Variants in AXIN1 observed in about 807,000 individuals in gnomAD.
The protein encoded by AXIN1 is axin 1, also known as axin-1.
Under a neutral mutation model 76.4 loss-of-function variants are expected in AXIN1, and 30 were observed. That is an observed-to-expected ratio of 0.39 (90% CI 0.29 to 0.53). The LOEUF is 0.53. Among genes scored for constraint, AXIN1 ranks in the 20% least tolerant of loss-of-function variants. AXIN1 has a pLI of 0.66. For missense variants in AXIN1, 1,140 were observed against 1,198.8 expected (o/e 0.95, Z 0.72); for synonymous variants, 545 against 501.4 (o/e 1.09, Z -1.16).
At position 339,251 on chromosome 16, in the gene AXIN1, C is replaced by T. The variant is rs562285051; in HGVS notation, c.878+6897G>A. On this transcript the variant is annotated intron_variant, in intron 2 of 10. Coordinates refer to ENST00000262320, the MANE Select transcript of AXIN1 (RefSeq NM_003502.4). ...GGGCGTGGTGGCTCACACCTGTAAT[C>T]CCAGCACTTTGGGAGGCTGAGGTAG... Among the ~76,000 whole-genome samples, 17 of 148,820 alleles carry T rather than the reference C, an allele frequency of 1.1e-4. No homozygotes were observed. The South Asian group carries it at 3.7e-3, about 32-fold the overall frequency.
chr16:348,215 C>T (rs966411397), intron 1 of AXIN1, among the ~76,000 whole-genome samples: 6 of 152,198 alleles, frequency 3.9e-5, no homozygotes, highest in Non-Finnish European at 7.3e-5. Flanking sequence ...CCTGTCAACC[C>T]GGCCATGCAG....
chr16:332,106 G>A (rs1159512226), intron 2 of AXIN1, among the ~76,000 whole-genome samples: 1 of 152,154 alleles, frequency 6.6e-6, no homozygotes, highest in African/African-American at 2.4e-5. Context: ...GAGTCCACAG[G>A]TCGGCAGCCT....
Position 291,292 on chromosome 16 carries a change from A to C in AXIN1, c.2192T>G (p.Val731Gly), listed in dbSNP as rs747767394. ...ASRAPSKQRY[V>G]QEVMRRGRAC... ...GCGTCCCCGCCGCATAACCTCCTGC[A>C]CATACCTAGGGAACAACCCGCGTCA... The change falls in exon 9 of 11, where the codon GTG becomes GGG. Residue 731 changes from valine to glycine, a missense_variant. By Grantham distance (109) the Val-to-Gly change is moderately radical (BLOSUM62 -3). Transcript: ENST00000262320. 1.9e-6 allele frequency: 3 copies of C among 1,577,140 alleles called. No homozygotes were observed. Among genetic ancestry groups the C allele is most frequent in the Non-Finnish European group, 2.6e-6 (3 of 1,162,230 alleles).
intron 5 of AXIN1, among the ~76,000 whole-genome samples, chr16:302,382 G>C (rs901506252): frequency 3.9e-5 from 6 of 152,250 alleles, no homozygotes; most frequent in African/African-American, 1.4e-4. Context: ...AGAGGATGCA[G>C]CTCCACATGG....
At chr16:289,344 C>T (rs969321609) in intron 10 of AXIN1, 96 bp downstream of exon 10, 47 of 1,509,182 alleles carry the variant, frequency 3.1e-5, no homozygotes, top group Admixed American at 1.0e-4. Context: ...AGGATTAGGA[C>T]GTGAGCCACT....
intron 2 of AXIN1, among the ~76,000 whole-genome samples, chr16:333,530 A>C (rs1320440313): frequency 6.6e-6 from 1 of 152,118 alleles, no homozygotes; most frequent in Non-Finnish European, 1.5e-5. Context: ...GCCCCCAGCA[A>C]AACACAGTAT....
intron 2 of AXIN1, among the ~76,000 whole-genome samples, chr16:319,471 C>T (rs2053389098): frequency 6.6e-6 from 1 of 152,212 alleles, no homozygotes; most frequent in Non-Finnish European, 1.5e-5. Context: ...CATAAACAAA[C>T]ACCTGTGGGG....
In AXIN1 at chr16:293,707, G is replaced by A. The variant is rs758124815; in HGVS notation, c.1967C>T (p.Thr656Met). The A allele has an allele frequency of 1.1e-5, 17 of 1,613,352 alleles. No homozygotes were observed. The highest frequency in any genetic ancestry group is 1.6e-4 in the Middle Eastern group (1 of 6,070). ...HRRTGHGSSG[T>M]RKPQPHENSR... ...GTTCTCATGGGGCTGTGGCTTCCTCGTCCCCGAAGACCTTGGGGAACAAGA... is the reference window on the plus strand; with the variant it reads ...GTTCTCATGGGGCTGTGGCTTCCTCATCCCCGAAGACCTTGGGGAACAAGA... Residue 656 changes from threonine to methionine, a missense_variant, in exon 8 of 11, where the codon ACG (threonine) becomes ATG (methionine). Transcript: ENST00000262320. This position sits in a 1 kb window ranked among gnomAD's most constrained non-coding sequence, Gnocchi z 4.6.
intron 2 of AXIN1, among the ~76,000 whole-genome samples, chr16:337,129 G>A (rs1597103650): frequency 9.4e-6 from 1 of 106,568 alleles, no homozygotes; most frequent in African/African-American, 3.7e-5. Flanking sequence ...CAGCCTGGGT[G>A]ACAGAGCAAG....
rs2053267237 is a variant in AXIN1, at chr16:314,958, T to A, written c.879-275A>T. Among the ~76,000 whole-genome samples, 5 of 152,180 alleles carry A rather than the reference T, an allele frequency of 3.3e-5. No homozygotes were observed. The South Asian group carries it at 1.0e-3, about 31-fold the overall frequency. On this transcript the variant is annotated intron_variant, in intron 2 of 10. Transcript: ENST00000262320. ...GGTGCACACACAGAGCATCCACACGTGATCATTTGGGTTTGTTTTCCGTGC... is the reference window on the plus strand; with the variant it reads ...GGTGCACACACAGAGCATCCACACGAGATCATTTGGGTTTGTTTTCCGTGC...
intron 2 of AXIN1, among the ~76,000 whole-genome samples, chr16:338,206 C>G (rs911024248): frequency 2.0e-5 from 3 of 152,176 alleles, no homozygotes; most frequent in Admixed American, 6.5e-5. Context: ...GGAGCGTGTG[C>G]GTCAATTCAA....
chr16:296,130 C>A (rs905472345), intron 7 of AXIN1, among the ~76,000 whole-genome samples: 1 of 152,210 alleles, frequency 6.6e-6, no homozygotes, highest in African/African-American at 2.4e-5. Context: ...GTGCTGTGCA[C>A]CCCTGTTCCC....
At position 309,964 on chromosome 16, in the gene AXIN1, G is replaced by C. The variant is rs779000870; in HGVS notation, c.1116+9C>G. The C allele has an allele frequency of 1.9e-6, 3 of 1,612,822 alleles. No individual in the cohort carries two copies. Among genetic ancestry groups the C allele is most frequent in the Non-Finnish European group, 2.5e-6 (3 of 1,179,594 alleles). On this transcript the variant is annotated intron_variant, in intron 4 of 10. Transcript: ENST00000262320. ...ACGATGGGCTGAGGACCGCAAAGCC[G>C]GTACTTACGGGAATGTGAGGTAGGG... is the stretch of plus-strand genomic sequence containing the variant.
chr16:322,722 C>T (rs546482074), intron 2 of AXIN1, among the ~76,000 whole-genome samples: 48 of 152,308 alleles, frequency 3.2e-4, no homozygotes, highest in African/African-American at 9.4e-4. Flanking sequence ...CGCTGGCTCC[C>T]GGGGACCCTC....
Position 346,239 on chromosome 16 carries a change from G to T in AXIN1, c.787C>A (p.Pro263Thr), listed in dbSNP as rs35216805. The change falls in exon 2 of 11, where the codon CCC becomes ACC. Residue 263 changes from proline (P) to threonine (T), a missense_variant. By Grantham distance (38) the Pro-to-Thr change is conservative. Coordinates refer to ENST00000262320, the MANE Select transcript of AXIN1 (RefSeq NM_003502.4). ...AGCTTCTGAGGGAGTCTTCCGGGGG[G>T]AGCAGCGTCTCTGCCATCGTCCTCA... ...MDEDDGRDAAPPGRLPQKLLL... is the reference protein window; with the variant it reads ...MDEDDGRDAATPGRLPQKLLL... The T allele has an allele frequency of 6.7e-5, 108 of 1,613,936 alleles. No homozygotes were observed. The highest frequency in any genetic ancestry group is 3.3e-5 in the Admixed American group (2 of 59,992).
intron 2 of AXIN1, among the ~76,000 whole-genome samples, chr16:336,908 G>A (rs1237402306): frequency 2.0e-5 from 3 of 151,564 alleles, no homozygotes; most frequent in Non-Finnish European, 4.4e-5. Context: ...CCAGCACTTT[G>A]GAAGGCCGAG....
chr16:317,190 G>A (rs1241783544), intron 2 of AXIN1, among the ~76,000 whole-genome samples: 1 of 152,192 alleles, frequency 6.6e-6, no homozygotes, highest in African/African-American at 2.4e-5. Flanking sequence ...AGGCAGCCCA[G>A]CACCTTGGAC....
intron 2 of AXIN1, among the ~76,000 whole-genome samples, chr16:339,196 CAA>C (rs1002630324): frequency 2.1e-3 from 72 of 34,650 alleles, no homozygotes; most frequent in African/African-American, 7.5e-3. Flanking sequence ...AGCCTGGTCT[CAA>C]AAAAAAAAAA....
chr16:332,371 A>T (rs1012521748), intron 2 of AXIN1, among the ~76,000 whole-genome samples: 1 of 152,054 alleles, frequency 6.6e-6, no homozygotes, highest in Non-Finnish European at 1.5e-5. Flanking sequence ...AGATCAGGAG[A>T]TGGAGACCAT....
Sources: gnomAD v4.1 joint callset for allele counts (sites outside exome capture counted in the v4.1 genomes callset) on GRCh38, gnomAD v4.1.1 for gene constraint, Gnocchi (gnomAD v3.1) non-coding constraint, MANE v1.5 for transcripts, NCBI Gene and HGNC (gene_info 2026-07-23, HGNC 2026-07-21) for gene names.